CUL1: variants seen among roughly 807,000 people sequenced by gnomAD.
CUL1 encodes cullin 1.
A neutral mutation model predicts 118.0 loss-of-function variants in CUL1; 24 were observed. The ratio of observed to expected loss-of-function variants is 0.20; its 90% CI spans 0.15 to 0.29. The LOEUF (loss-of-function observed/expected upper bound fraction) is 0.29, where lower values mean the gene tolerates loss of function less well. Among genes scored for constraint, CUL1 ranks in the 10% least tolerant of loss-of-function variants. CUL1 has a pLI of 1.00. For missense variants in CUL1, 361 were observed against 933.8 expected, an observed-to-expected ratio of 0.39 and a Z score of 7.99; for synonymous variants, 332 against 340.4, an observed-to-expected ratio of 0.98 and a Z score of 0.27.
Position 148,699,481 on chromosome 7 carries a change from C to T in CUL1, c.-162+452C>T, listed in dbSNP as rs542790119. ...CGGGACGCCGGGACCCGTGCCCTTG[C>T]CCCCTCGCGCCCACGCTTCTTCCCG... is the stretch of plus-strand genomic sequence containing the variant. On this transcript the variant is annotated intron_variant, in intron 1 of 21. Coordinates refer to ENST00000325222, the MANE Select transcript of CUL1 (RefSeq NM_003592.3). Among the ~76,000 whole-genome samples the T allele has an allele frequency of 7.9e-5, 12 of 152,252 alleles. No individual in the cohort carries two copies. In the South Asian group the frequency reaches 1.7e-3, roughly 21 times the overall value.
chr7:148,800,799 C>G lies in CUL1; in HGVS notation c.*217C>G, dbSNP rs921413675. ...AAATACGGACACCAACGCCATTTAC[C>G]CTAATTTAAGAACAGCGGGGACTGA... On this transcript the variant is annotated 3_prime_UTR_variant, in exon 22 of 22. Coordinates refer to ENST00000325222, the MANE Select transcript of CUL1 (RefSeq NM_003592.3). The surrounding 1 kb of genome is among the most constrained non-coding windows in gnomAD (Gnocchi z 4.6). 4.1e-6 allele frequency: 2 copies of G among 486,044 alleles called. No individual in the cohort carries two copies. Among genetic ancestry groups the G allele is most frequent in the Non-Finnish European group, 7.4e-6 (2 of 271,960 alleles). The allele number at this position is 486,044 out of a possible 1,614,324, so 30.1% of individuals were successfully genotyped here.
At chr7:148,720,133 G>C (rs1798354131) in intron 1 of CUL1, among the ~76,000 whole-genome samples, 1 of 152,202 alleles carries the variant, frequency 6.6e-6, no homozygotes, top group African/African-American at 2.4e-5. Context: ...GTTGTACTCA[G>C]TGGACATTCT....
intron 14 of CUL1, among the ~76,000 whole-genome samples, chr7:148,788,894 G>A (rs575055862): frequency 1.3e-5 from 2 of 152,326 alleles, no homozygotes; most frequent in East Asian, 1.9e-4. Flanking sequence ...ACTGGGGCAA[G>A]GTCACCACCT....
intron 2 of CUL1, among the ~76,000 whole-genome samples, chr7:148,743,794 G>C (rs145854448): frequency 0.066 from 10,012 of 152,212 alleles, 397 homozygotes; most frequent in Middle Eastern, 0.11. Context: ...CGGTCATGGT[G>C]GTGGGCGCCT....
chr7:148,729,430 T>A (rs1798685091), intron 1 of CUL1, among the ~76,000 whole-genome samples: 1 of 152,202 alleles, frequency 6.6e-6, no homozygotes, highest in African/African-American at 2.4e-5. Context: ...ACATTTTGAA[T>A]CTTGATAATT....
intron 2 of CUL1, among the ~76,000 whole-genome samples, chr7:148,732,487 A>G (rs1241993623): frequency 6.6e-6 from 1 of 150,958 alleles, no homozygotes; most frequent in Non-Finnish European, 1.5e-5. Context: ...GACCACAGGC[A>G]CGCACCATCA....
chr7:148,728,126 G>T (rs563042246), intron 1 of CUL1, among the ~76,000 whole-genome samples: 4 of 152,192 alleles, frequency 2.6e-5, no homozygotes, highest in Non-Finnish European at 4.4e-5. Context: ...AATGAAGTCC[G>T]TAGCAGTTGA....
chr7:148,741,355 A>C (rs191636496), intron 2 of CUL1, among the ~76,000 whole-genome samples: 1 of 152,336 alleles, frequency 6.6e-6, no homozygotes, highest in East Asian at 1.9e-4. Context: ...GCATTATATT[A>C]CTTTCCCACC....
intron 2 of CUL1, among the ~76,000 whole-genome samples, chr7:148,749,472 T>C (rs920798871): frequency 1.5e-5 from 2 of 130,800 alleles, no homozygotes; most frequent in Admixed American, 7.4e-5. Context: ...GATACAGTAA[T>C]GAAAATTATT....
rs551546246 is a variant in CUL1 at position 148,800,044 on chromosome 7, G to A, written c.2251-458G>A. Among the ~76,000 whole-genome samples the A allele has an allele frequency of 1.9e-4, 29 of 152,310 alleles. No homozygotes were observed. Among genetic ancestry groups the A allele is most frequent in the African/African-American group, 5.8e-4 (24 of 41,574 alleles). Reference sequence around the variant, plus strand: ...AGACTCAGGGGTGGCATTGACAGGTGACTTCCCCAACAGGCAGGAGGCCCA... The same window carrying A: ...AGACTCAGGGGTGGCATTGACAGGTAACTTCCCCAACAGGCAGGAGGCCCA... On this transcript the variant is annotated intron_variant, in intron 21 of 21. Transcript: ENST00000325222. The surrounding 1 kb of genome is among the most constrained non-coding windows in gnomAD (Gnocchi z 4.6).
intron 14 of CUL1, 95 bp from the exon 15 acceptor site, chr7:148,789,655 C>A: frequency 2.3e-6 from 2 of 871,340 alleles, no homozygotes; most frequent in Non-Finnish European, 3.7e-6. Context: ...TAATAAAGAG[C>A]AATCCACATT....
At position 148,745,937 on chromosome 7, in the gene CUL1, C is replaced by T. The variant is rs138628173; in HGVS notation, c.141-8039C>T. ...GTCTCCTAACCACTATCATCTAATG[C>T]TTTCCATTCCTGACTAGATAATGGT... On this transcript the variant is annotated intron_variant, in intron 2 of 21. Coordinates refer to ENST00000325222, the MANE Select transcript of CUL1 (RefSeq NM_003592.3). Among the ~76,000 whole-genome samples the T allele has an allele frequency of 2.0e-5, 3 of 152,346 alleles. No homozygotes were observed. In the East Asian group the frequency reaches 5.8e-4, roughly 29 times the overall value.
intron 9 of CUL1, among the ~76,000 whole-genome samples, chr7:148,783,006 G>GAAA (rs1800693472): frequency 6.6e-6 from 1 of 152,162 alleles, no homozygotes; most frequent in Non-Finnish European, 1.5e-5. Flanking sequence ...GAATGGGGAT[G>GAAA]AAAACAGCAC....
intron 1 of CUL1, among the ~76,000 whole-genome samples, chr7:148,717,356 T>C (rs980164377): frequency 2.6e-5 from 4 of 152,202 alleles, no homozygotes; most frequent in African/African-American, 9.6e-5. Context: ...CGGCCTTGTT[T>C]TGAATTTTGA....
chr7:148,792,879 T>A, intron 17 of CUL1, 61 bp downstream of exon 17: 1 of 1,241,186 alleles, frequency 8.1e-7, no homozygotes, highest in Non-Finnish European at 1.2e-6. Flanking sequence ...TCGTGGATAT[T>A]GTTAGGAAAG....
In CUL1 at chr7:148,786,551, T is replaced by C. The variant is rs1338806785; in HGVS notation, c.1299T>C (p.Ser433=). ...ARYCDSLLKK[S]SKNPEEAELE... is the part of the protein sequence containing the mutation. ...CATGGTATCTTTTTAAAATTTTCAG[T>C]TCCAAGAACCCAGAGGAGGCAGAAC... The change falls in exon 12 of 22, where the codon AGT becomes AGC. Residue 433 remains serine, a splice_region_variant and synonymous_variant. Transcript: ENST00000325222. 6.2e-7 allele frequency: 1 copy of C among 1,613,234 alleles called. No individual in the cohort carries two copies.
chr7:148,754,885 T>C (rs909783990), intron 3 of CUL1, among the ~76,000 whole-genome samples: 7 of 152,042 alleles, frequency 4.6e-5, no homozygotes, highest in African/African-American at 1.7e-4. Flanking sequence ...TAGCTAGGAC[T>C]ACTGGCATGT....
intron 16 of CUL1, 28 bp from the exon 17 acceptor site, chr7:148,792,698 T>C (rs779599878): frequency 1.3e-6 from 2 of 1,576,678 alleles, no homozygotes; most frequent in East Asian, 2.3e-5. Flanking sequence ...ATTTTCCTTC[T>C]TTTTCTTTTA....
chr7:148,697,888 G>A (rs1444046566), upstream of CUL1: 1 of 152,152 alleles, frequency 6.6e-6, no homozygotes, highest in Non-Finnish European at 1.5e-5. Context: ...CAAATGAGAT[G>A]ACTTCGAAGT....
Sources: allele counts gnomAD v4.1 joint callset (sites outside exome capture counted in the v4.1 genomes callset), GRCh38; gene constraint gnomAD v4.1.1; non-coding constraint Gnocchi (gnomAD v3.1); transcripts MANE v1.5; gene names NCBI Gene and HGNC (gene_info 2026-07-23, HGNC 2026-07-21).